Variants in GBA2 observed in about 807,000 individuals in gnomAD.
GBA2 encodes non-lysosomal glucosylceramidase.
GBA2 carries 79 observed loss-of-function variants against 112.9 expected under a neutral mutation model. That is an observed-to-expected ratio of 0.70 (90% CI 0.58 to 0.84). The LOEUF (loss-of-function observed/expected upper bound fraction) is 0.84. GBA2 is among the 40% of genes least tolerant of loss of function. The pLI is 0.00. For missense variants in GBA2, 1,043 were observed against 1,190.0 expected, an observed-to-expected ratio of 0.88 and a Z score of 1.82; for synonymous variants, 403 against 434.3, an observed-to-expected ratio of 0.93 and a Z score of 0.90.
chr9:35,740,554 A>G lies in GBA2; in HGVS notation c.1101T>C (p.Leu367=). The change falls in exon 6 of 17, where the codon CTT becomes CTC. Residue 367 remains leucine (L), a synonymous_variant. Coordinates refer to ENST00000378103, the MANE Select transcript of GBA2 (RefSeq NM_020944.3). The surrounding 1 kb of genome is among the most constrained non-coding windows in gnomAD (Gnocchi z 4.7). ...STGQQVWQDL[L]QDGQLDSPTG... Reference sequence around the variant, plus strand: ...TGGGAGAGTCCAGCTGTCCATCCTGAAGTAGATCCTGCCACACCTGCTGCC... The same window carrying G: ...TGGGAGAGTCCAGCTGTCCATCCTGGAGTAGATCCTGCCACACCTGCTGCC... 1 of 1,613,478 alleles carries G rather than the reference A, an allele frequency of 6.2e-7. No homozygotes were observed. The highest frequency in any genetic ancestry group is 8.5e-7 in the Non-Finnish European group (1 of 1,179,488).
chr9:35,738,172 A>T lies in GBA2; in HGVS notation c.2198-20T>A, dbSNP rs931384925. The T allele has an allele frequency of 5.6e-6, 9 of 1,613,442 alleles. No homozygotes were observed. The African/African-American group carries it at 8.0e-5, about 14-fold the overall frequency. On this transcript the variant is annotated intron_variant, in intron 14 of 16. Coordinates refer to ENST00000378103, the MANE Select transcript of GBA2 (RefSeq NM_020944.3). ...AGCGGCCTGGAGTCGAGGAAGAGAA[A>T]AATAAGGCTCCTGGTGTCCTCTCAG...
chr9:35,738,420 G>A (rs781022451), intron 13 of GBA2, 46 bp from the exon 14 acceptor site: 25 of 1,604,968 alleles, frequency 1.6e-5, no homozygotes, highest in Non-Finnish European at 2.0e-5. Context: ...AGCTCCAGCT[G>A]CTCCCATGCC....
chr9:35,745,892 A>G (rs1348691734), intron 1 of GBA2, among the ~76,000 whole-genome samples: 1 of 152,212 alleles, frequency 6.6e-6, no homozygotes, highest in Admixed American at 6.5e-5. Flanking sequence ...TAATTGGGTA[A>G]GTAACCCCTA....
Position 35,741,935 on chromosome 9 carries a change from A to G in GBA2, c.568-45T>C, listed in dbSNP as rs748167471. The stretch of plus-strand genomic sequence containing the variant: ...TGGAACGGGGTAAACCACAGGGACC[A>G]CAGACTAAGTCTTCCCTCTCCTCAA... On this transcript the variant is annotated intron_variant, in intron 3 of 16. Transcript: ENST00000378103. This position sits in a 1 kb window ranked among gnomAD's most constrained non-coding sequence, Gnocchi z 4.6. 2.1e-5 allele frequency: 28 copies of G among 1,302,482 alleles called. No homozygotes were observed. In the South Asian group the frequency reaches 2.3e-4, roughly 11 times the overall value. 80.7% of individuals were successfully genotyped at this position (1,302,482 alleles called of 1,614,324 possible). A position where few individuals can be genotyped will look rare whatever the true frequency, so the allele number is the denominator to read the frequency against.
Position 35,737,049 on chromosome 9 carries a change from G to T in GBA2, c.*120C>A. 1.4e-6 allele frequency: 2 copies of T among 1,461,768 alleles called. No individual in the cohort carries two copies. Among genetic ancestry groups the T allele is most frequent in the African/African-American group, 2.8e-5 (2 of 71,004 alleles). The allele number at this position is 1,461,768 out of a possible 1,614,324, so 90.5% of individuals were successfully genotyped here. ...CCATTTACTGGCACAATTGGGTGGA[G>T]AGAAGGGAAGGGGTATGATTGTCCT... On this transcript the variant is annotated 3_prime_UTR_variant, in exon 17 of 17. Transcript: ENST00000378103. This position sits in a 1 kb window ranked among gnomAD's most constrained non-coding sequence, Gnocchi z 4.1.
In GBA2 at chr9:35,748,359, C is replaced by T. The variant is rs1305596659; in HGVS notation, c.346G>A (p.Gly116Ser). The T allele has an allele frequency of 6.2e-7, 1 of 1,608,012 alleles. No homozygotes were observed. Among genetic ancestry groups the T allele is most frequent in the Non-Finnish European group, 8.5e-7 (1 of 1,174,874 alleles). Reference sequence around the variant, plus strand: ...GGGTCTACTCACCTCAAGCCCATGCCTATATGCTTTATCATGTTGCTTAGG... The same window carrying T: ...GGGTCTACTCACCTCAAGCCCATGCTTATATGCTTTATCATGTTGCTTAGG... ...VSLSNMIKHI[G>S]MGLRYLQWWY... The change falls in exon 1 of 17, where the codon GGC becomes AGC. Residue 116 changes from glycine (G) to serine (S), a missense_variant. Gly to Ser is a moderately conservative substitution (Grantham distance 56). Coordinates refer to ENST00000378103, the MANE Select transcript of GBA2 (RefSeq NM_020944.3).
At position 35,737,696 on chromosome 9, in the gene GBA2, T is replaced by A; in HGVS notation, c.2505+52A>T. On this transcript the variant is annotated intron_variant, in intron 16 of 16. Coordinates refer to ENST00000378103, the MANE Select transcript of GBA2 (RefSeq NM_020944.3). This position sits in a 1 kb window ranked among gnomAD's most constrained non-coding sequence, Gnocchi z 4.1. Reference sequence around the variant, plus strand: ...TGAAGAAATTTGGTGGTTGAGGAAGTTTTCTGGGCCAGGATACAGATGGTG... The same window carrying A: ...TGAAGAAATTTGGTGGTTGAGGAAGATTTCTGGGCCAGGATACAGATGGTG... The A allele has an allele frequency of 6.2e-7, 1 of 1,611,392 alleles. No homozygotes were observed. Among genetic ancestry groups the A allele is most frequent in the Non-Finnish European group, 8.5e-7 (1 of 1,177,604 alleles).
In GBA2 at chr9:35,744,725, T is replaced by G. The variant is rs111309400; in HGVS notation, c.360-19A>C. ...CAGGTACCTGAGGAGCAAGAGGCAA[T>G]GTGAGTGGAAGGGGGCAGGTGGGCA... On this transcript the variant is annotated intron_variant, in intron 1 of 16. Transcript: ENST00000378103. 7.0e-7 allele frequency: 1 copy of G among 1,436,094 alleles called. No individual in the cohort carries two copies. Among genetic ancestry groups the G allele is most frequent in the South Asian group, 1.1e-5 (1 of 87,490 alleles). The allele number at this position is 1,436,094 out of a possible 1,614,324, so 89.0% of individuals were successfully genotyped here. A position where few individuals can be genotyped will look rare whatever the true frequency, so the allele number is the denominator to read the frequency against.
In GBA2 at chr9:35,738,320, A is replaced by C. The variant is rs754829622; in HGVS notation, c.2109T>G (p.Ala703=). 1 of 1,614,132 alleles carries C rather than the reference A, an allele frequency of 6.2e-7. No homozygotes were observed. Among genetic ancestry groups the C allele is most frequent in the Non-Finnish European group, 8.5e-7 (1 of 1,179,968 alleles). ...LAAVAVMVQM[A]ALCGAQDIQD... ...GGATGTCCTGTGCCCCACACAGAGCAGCCATCTGGACCATCACAGCCACAG... is the reference window on the plus strand; with the variant it reads ...GGATGTCCTGTGCCCCACACAGAGCCGCCATCTGGACCATCACAGCCACAG... The change falls in exon 14 of 17, where the codon GCT becomes GCG. Residue 703 remains alanine, a synonymous_variant. Transcript: ENST00000378103.
Position 35,749,004 on chromosome 9 carries a change from A to C in GBA2, c.-300T>G. The C allele has an allele frequency of 3.8e-6, 1 of 261,964 alleles. No individual in the cohort carries two copies. Among genetic ancestry groups the C allele is most frequent in the Non-Finnish European group, 7.1e-6 (1 of 141,268 alleles). 16.2% of individuals were successfully genotyped at this position (261,964 alleles called of 1,614,324 possible). ...CCGGCCAAAGGGCGACTGGGCCCGC[A>C]GAGAGGGGAGGAGCCGCGGGGCCAG... On this transcript the variant is annotated 5_prime_UTR_variant, in exon 1 of 17. Transcript: ENST00000378103. This position sits in a 1 kb window ranked among gnomAD's most constrained non-coding sequence, Gnocchi z 4.4.
chr9:35,748,780 C>A lies in GBA2; in HGVS notation c.-76G>T, dbSNP rs75359679. The A allele has an allele frequency of 1.1e-6, 1 of 906,624 alleles. No individual in the cohort carries two copies. Among genetic ancestry groups the A allele is most frequent in the South Asian group, 1.8e-5 (1 of 56,398 alleles). The allele number at this position is 906,624 out of a possible 1,614,324, so 56.2% of individuals were successfully genotyped here. On this transcript the variant is annotated 5_prime_UTR_variant, in exon 1 of 17. Coordinates refer to ENST00000378103, the MANE Select transcript of GBA2 (RefSeq NM_020944.3). Reference sequence around the variant, plus strand: ...GCCTATTCCAGATGCGGGCGCCGGTCGTTGTTAGGTATCGTCCCGGAGGGC... The same window carrying A: ...GCCTATTCCAGATGCGGGCGCCGGTAGTTGTTAGGTATCGTCCCGGAGGGC...
intron 1 of GBA2, among the ~76,000 whole-genome samples, chr9:35,747,889 T>G (rs551438755): frequency 3.0e-4 from 46 of 152,226 alleles, no homozygotes; most frequent in Non-Finnish European, 6.2e-4. Context: ...GTGTTGGGAC[T>G]CTAACAGTGT....
In GBA2 at chr9:35,738,640, G is replaced by A. The variant is rs1304942750; in HGVS notation, c.1948-8C>T. ...TTCAGATTCCATCACAGCCTAGAGA[G>A]GGACCAAGATGTTGAAGACCTAGGT... On this transcript the variant is annotated splice_polypyrimidine_tract_variant and splice_region_variant and intron_variant, in intron 12 of 16. Coordinates refer to ENST00000378103, the MANE Select transcript of GBA2 (RefSeq NM_020944.3). 2 of 1,609,194 alleles carry A rather than the reference G, an allele frequency of 1.2e-6. No homozygotes were observed. Among genetic ancestry groups the A allele is most frequent in the Admixed American group, 3.3e-5 (2 of 60,020 alleles).
chr9:35,748,328 G>T lies in GBA2; in HGVS notation c.359+18C>A. ...CAAAGTGAAGCCAAAGGCATTCTAG[G>T]CAATGGGGTCTACTCACCTCAAGCC... On this transcript the variant is annotated intron_variant, in intron 1 of 16. Transcript: ENST00000378103. 1 of 1,455,962 alleles carries T rather than the reference G, an allele frequency of 6.9e-7. No individual in the cohort carries two copies. The highest frequency in any genetic ancestry group is 9.5e-7 in the Non-Finnish European group (1 of 1,052,276). 90.2% of individuals were successfully genotyped at this position (1,455,962 alleles called of 1,614,324 possible). A position where few individuals can be genotyped will look rare whatever the true frequency, so the allele number is the denominator to read the frequency against.
In GBA2 at chr9:35,737,891, G is replaced by A. The variant is rs754039859; in HGVS notation, c.2362C>T (p.Leu788=). The part of the protein sequence containing the change: ...VVRALQTIFE[L]NVQAFAGGAM... ...CCTCCTGCAAAGGCCTGGACGTTCAGCTCAAAGATAGTTTGGAGAGCACGG... is the reference window on the plus strand; with the variant it reads ...CCTCCTGCAAAGGCCTGGACGTTCAACTCAAAGATAGTTTGGAGAGCACGG... The change falls in exon 16 of 17, where the codon CTG becomes TTG. Residue 788 remains leucine, a synonymous_variant. Transcript: ENST00000378103. This position sits in a 1 kb window ranked among gnomAD's most constrained non-coding sequence, Gnocchi z 4.1. 6.2e-7 allele frequency: 1 copy of A among 1,613,466 alleles called. No homozygotes were observed.
rs749647252 is a variant in GBA2 at position 35,748,548 on chromosome 9, G to A, written c.157C>T (p.Pro53Ser). The change falls in exon 1 of 17, where the codon CCC becomes TCC. Residue 53 changes from proline (P) to serine (S), a missense_variant. Pro to Ser is a moderately conservative substitution (Grantham distance 74). Coordinates refer to ENST00000378103, the MANE Select transcript of GBA2 (RefSeq NM_020944.3). The stretch of plus-strand genomic sequence containing the variant: ...TTGCAGCAGTCCGTCTCTTTTGGGG[G>A]TCGGCTGTCTTCGGGACTCTTACAG... ...TDCKSPEDSR[P>S]PKETDCCNPE... is the part of the protein sequence containing the mutation. The A allele has an allele frequency of 6.2e-7, 1 of 1,614,198 alleles. No individual in the cohort carries two copies. The highest frequency in any genetic ancestry group is 8.5e-7 in the Non-Finnish European group (1 of 1,180,032).
At position 35,741,250 on chromosome 9, in the gene GBA2, C is replaced by A. The variant is rs976239220; in HGVS notation, c.787-186G>T. 3.1e-5 allele frequency: 20 copies of A among 637,744 alleles called. No individual in the cohort carries two copies. Among genetic ancestry groups the A allele is most frequent in the African/African-American group, 3.1e-4 (17 of 54,710 alleles). 39.5% of individuals were successfully genotyped at this position (637,744 alleles called of 1,614,324 possible). ...TAGCAGGGAATATAGAAGACCAGAA[C>A]CAGTTGGGCGGTGGTTCTGGGAAGC... On this transcript the variant is annotated intron_variant, in intron 4 of 16. Coordinates refer to ENST00000378103, the MANE Select transcript of GBA2 (RefSeq NM_020944.3). This position sits in a 1 kb window ranked among gnomAD's most constrained non-coding sequence, Gnocchi z 4.6.
At chr9:35,742,610 A>G (rs915643670) in intron 3 of GBA2, among the ~76,000 whole-genome samples, 1 of 152,110 alleles carries the variant, frequency 6.6e-6, no homozygotes, top group Admixed American at 6.6e-5. Context: ...GAGGGTAGGG[A>G]CATTTTTTAA....
chr9:35,745,848 T>C (rs1826945178), intron 1 of GBA2, among the ~76,000 whole-genome samples: 1 of 152,232 alleles, frequency 6.6e-6, no homozygotes, highest in Admixed American at 6.5e-5. Flanking sequence ...TGCCACATTA[T>C]GCCTACTGTT....
Sources: allele counts gnomAD v4.1 joint callset (sites outside exome capture counted in the v4.1 genomes callset), GRCh38; gene constraint gnomAD v4.1.1; non-coding constraint Gnocchi (gnomAD v3.1); transcripts MANE v1.5; gene names NCBI Gene and HGNC (gene_info 2026-07-23, HGNC 2026-07-21).